The following TLN2 variants were observed in gnomAD, a reference collection of about 807,000 sequenced individuals.
TLN2 encodes the protein talin 2, also known as talin-2.
In TLN2, 118 loss-of-function variants were observed where a neutral mutation model predicts 294.7. The ratio of observed to expected loss-of-function variants is 0.40; its 90% confidence interval spans 0.34 to 0.47. The LOEUF (loss-of-function observed/expected upper bound fraction) is 0.47, where lower values mean the gene tolerates loss of function less well. Among genes scored for constraint, TLN2 ranks in the 20% least tolerant of loss-of-function variants. TLN2 has a pLI of 0.84. For missense variants in TLN2, 3,083 were observed against 3,282.2 expected (o/e 0.94, Z 1.48); for synonymous variants, 1,431 against 1,304.5 (o/e 1.10, Z -2.09).
intron 1 of TLN2, among the ~76,000 whole-genome samples, chr15:62,568,912 C>T (rs1193014365): frequency 6.6e-6 from 1 of 152,168 alleles, no homozygotes; most frequent in African/African-American, 2.4e-5. Context: ...TAACACATGA[C>T]AACAGCTGGT....
At chr15:62,463,527 G>A (rs1009042340) in intron 1 of TLN2, among the ~76,000 whole-genome samples, 11 of 152,046 alleles carry the variant, frequency 7.2e-5, no homozygotes, top group African/African-American at 2.7e-4. Context: ...AGTTAATCTG[G>A]AGAAATGTAA....
intron 11 of TLN2, among the ~76,000 whole-genome samples, chr15:62,685,246 C>T (rs528179105): frequency 6.6e-6 from 1 of 151,996 alleles, no homozygotes; most frequent in African/African-American, 2.4e-5. Flanking sequence ...TCCATAAAAC[C>T]AATTGTTTTT....
At chr15:62,836,655 A>G (rs2069644647) in intron 57 of TLN2, among the ~76,000 whole-genome samples, 1 of 140,220 alleles carries the variant, frequency 7.1e-6, no homozygotes, top group Non-Finnish European at 1.5e-5. Flanking sequence ...TAGGAAGGTA[A>G]CAATCAAGTC....
At chr15:62,736,298 C>A (rs1453301836) in intron 28 of TLN2, among the ~76,000 whole-genome samples, 1 of 145,442 alleles carries the variant, frequency 6.9e-6, no homozygotes, top group Non-Finnish European at 1.5e-5. Context: ...CCAGCCTGGG[C>A]GACAGAGACT....
At chr15:62,483,332 A>G (rs773867461) in intron 1 of TLN2, among the ~76,000 whole-genome samples, 2 of 152,134 alleles carry the variant, frequency 1.3e-5, no homozygotes, top group Non-Finnish European at 2.9e-5. Context: ...CTGGCTACCC[A>G]CCACAGGCTG....
At chr15:62,431,858 G>C (rs550153106) in intron 1 of TLN2, among the ~76,000 whole-genome samples, 2 of 152,142 alleles carry the variant, frequency 1.3e-5, no homozygotes, top group Non-Finnish European at 2.9e-5. Context: ...ATATTTTGTG[G>C]ATTTCATCTC....
intron 7 of TLN2, 23 bp downstream of exon 7, chr15:62,653,337 T>C (rs1373961799): frequency 1.2e-6 from 2 of 1,601,012 alleles, no homozygotes; most frequent in Admixed American, 1.7e-5. Flanking sequence ...AGAGGAAGCA[T>C]GATACAGACA....
In TLN2 at chr15:62,806,914, C is replaced by T. The variant is rs77185016; in HGVS notation, c.6663+1129C>T. 6.7e-3 allele frequency among the ~76,000 whole-genome samples: 1,020 copies of T among 152,142 alleles called. 11 individuals are homozygous for T. Among genetic ancestry groups the T allele is most frequent in the African/African-American group, 0.023 (944 of 41,498 alleles). ...GGAGTTGCTGCTGCAAGATCCAACT[C>T]TTATGGCTTCTTGGTGGCTCCTCAG... On this transcript the variant is annotated intron_variant, in intron 51 of 58. Coordinates refer to ENST00000636159, the MANE Select transcript of TLN2 (RefSeq NM_015059.3).
At chr15:62,640,527 C>T (rs1205621699) in intron 3 of TLN2, among the ~76,000 whole-genome samples, 1 of 152,094 alleles carries the variant, frequency 6.6e-6, no homozygotes, top group Non-Finnish European at 1.5e-5. Flanking sequence ...CCTAAGTTGC[C>T]CCTAGGCAGA....
intron 50 of TLN2, among the ~76,000 whole-genome samples, chr15:62,802,345 A>G (rs1437669699): frequency 1.3e-5 from 2 of 151,916 alleles, no homozygotes; most frequent in Non-Finnish European, 1.5e-5. Flanking sequence ...TGTGTACCAC[A>G]GTAGCCAAGA....
intron 11 of TLN2, among the ~76,000 whole-genome samples, chr15:62,685,824 T>A (rs1447266347): frequency 6.6e-6 from 1 of 152,254 alleles, no homozygotes; most frequent in East Asian, 1.9e-4. Flanking sequence ...TCATTTTTTA[T>A]GAGGTTTCTT....
intron 1 of TLN2, among the ~76,000 whole-genome samples, chr15:62,493,471 C>T (rs1467595319): frequency 6.6e-6 from 1 of 152,034 alleles, no homozygotes; most frequent in Non-Finnish European, 1.5e-5. Context: ...TGTATCATTA[C>T]AATTGAGTAT....
chr15:62,564,599 A>G (rs16945286), intron 1 of TLN2, among the ~76,000 whole-genome samples: 1,894 of 152,042 alleles, frequency 0.012, 85 homozygotes, highest in East Asian at 0.1. Flanking sequence ...TACTTTTCCT[A>G]TGCTGTGTAA....
chr15:62,532,256 GT>G (rs1184711535), intron 1 of TLN2, among the ~76,000 whole-genome samples: 1 of 151,450 alleles, frequency 6.6e-6, no homozygotes, highest in African/African-American at 2.4e-5. Flanking sequence ...TGGTTTTTTT[GT>G]TTGTTCTGTT....
At chr15:62,459,284 G>A in intron 1 of TLN2, among the ~76,000 whole-genome samples, 1 of 146,588 alleles carries the variant, frequency 6.8e-6, no homozygotes, top group Non-Finnish European at 1.5e-5. Flanking sequence ...ACAGGTGTGA[G>A]CCACCACGCT....
chr15:62,581,993 A>G (rs886769109), intron 1 of TLN2, among the ~76,000 whole-genome samples: 9 of 151,826 alleles, frequency 5.9e-5, no homozygotes, highest in African/African-American at 2.2e-4. Context: ...GCAGTGAGCC[A>G]AGATTGTGCC....
At chr15:62,809,877 T>C in intron 51 of TLN2, 48 bp from the exon 52 acceptor site, 1 of 1,582,274 alleles carries the variant, frequency 6.3e-7, no homozygotes, top group Non-Finnish European at 8.7e-7. Context: ...GACTGCCCAA[T>C]GCTGGCTTTT....
chr15:62,765,846 T>G (rs889235446), intron 40 of TLN2, among the ~76,000 whole-genome samples: 7 of 152,224 alleles, frequency 4.6e-5, no homozygotes, highest in Admixed American at 4.6e-4. Flanking sequence ...GTGCACTGTT[T>G]GGGAAGTAGT....
intron 11 of TLN2, among the ~76,000 whole-genome samples, chr15:62,681,500 G>T (rs1409871179): frequency 6.6e-6 from 1 of 152,128 alleles, no homozygotes; most frequent in Non-Finnish European, 1.5e-5. Context: ...TTATGTCTAT[G>T]AACATTTTGT....
Sources: gnomAD v4.1 joint callset for allele counts (sites outside exome capture counted in the v4.1 genomes callset) on GRCh38, gnomAD v4.1.1 for gene constraint, MANE v1.5 for transcripts, NCBI Gene and HGNC (gene_info 2026-07-23, HGNC 2026-07-21) for gene names.